The following ADAMTS6 variants were observed in gnomAD, a reference collection of about 807,000 sequenced individuals.
ADAMTS6 encodes ADAM metallopeptidase with thrombospondin type 1 motif 6.
A neutral mutation model predicts 144.3 loss-of-function variants in ADAMTS6; 23 were observed. The ratio of observed to expected loss-of-function variants is 0.16; its 90% CI spans 0.11 to 0.23. The LOEUF is 0.23. Among genes scored for constraint, ADAMTS6 ranks in the 10% least tolerant of loss-of-function variants. ADAMTS6 has a pLI of 1.00. For missense variants in ADAMTS6, 999 were observed against 1,379.6 expected (o/e 0.72, Z 4.37); for synonymous variants, 444 against 457.5 (o/e 0.97, Z 0.38).
chr5:65,238,498 G>T (rs1479693631), intron 15 of ADAMTS6, among the ~76,000 whole-genome samples: 2 of 151,950 alleles, frequency 1.3e-5, no homozygotes, highest in Non-Finnish European at 2.9e-5. Context: ...TACTCAGGAG[G>T]CTGAGGTGGA....
At chr5:65,409,731 C>T (rs1027905112) in intron 7 of ADAMTS6, among the ~76,000 whole-genome samples, 1 of 152,164 alleles carries the variant, frequency 6.6e-6, no homozygotes, top group African/African-American at 2.4e-5. Flanking sequence ...TGATGAACAT[C>T]GATGCAAAAA....
intron 7 of ADAMTS6, among the ~76,000 whole-genome samples, chr5:65,373,753 T>C (rs1406474783): frequency 1.3e-5 from 2 of 152,174 alleles, no homozygotes; most frequent in South Asian, 2.1e-4. Flanking sequence ...CCGTAACTCA[T>C]TTTATGAGGC....
chr5:65,400,202 C>T (rs550453458), intron 7 of ADAMTS6, among the ~76,000 whole-genome samples: 8 of 151,766 alleles, frequency 5.3e-5, no homozygotes, highest in South Asian at 4.1e-4. Flanking sequence ...AATTTTTAAA[C>T]GTACATTTTA....
chr5:65,237,599 G>C (rs1320786540), intron 15 of ADAMTS6, among the ~76,000 whole-genome samples: 1 of 151,870 alleles, frequency 6.6e-6, no homozygotes, highest in Non-Finnish European at 1.5e-5. Flanking sequence ...ATTCTATTTT[G>C]GGAAACCAGA....
chr5:65,256,320 G>C (rs1760658322), intron 14 of ADAMTS6: 1 of 152,198 alleles, frequency 6.6e-6, no homozygotes, highest in Admixed American at 6.5e-5. Flanking sequence ...GACAGTGCTA[G>C]TGTAGATTAG....
chr5:65,268,802 C>T (rs887348200), intron 12 of ADAMTS6, among the ~76,000 whole-genome samples: 4 of 152,206 alleles, frequency 2.6e-5, no homozygotes, highest in Non-Finnish European at 4.4e-5. Context: ...TGTGGAACTG[C>T]GCCCCTGGGC....
At chr5:65,192,546 G>A (rs1755081288) in intron 21 of ADAMTS6, among the ~76,000 whole-genome samples, 1 of 151,716 alleles carries the variant, frequency 6.6e-6, no homozygotes, top group Non-Finnish European at 1.5e-5. Flanking sequence ...AACACGGCAT[G>A]GTAAAAACTT....
chr5:65,408,054 G>A (rs2150177461), intron 7 of ADAMTS6, among the ~76,000 whole-genome samples: 1 of 152,270 alleles, frequency 6.6e-6, no homozygotes, highest in East Asian at 1.9e-4. Context: ...TGCCAAAATT[G>A]TAAAGACCAT....
At chr5:65,225,150 G>A in intron 16 of ADAMTS6, 103 bp from the exon 17 acceptor site, 2 of 1,315,968 alleles carry the variant, frequency 1.5e-6, no homozygotes, top group Middle Eastern at 2.0e-4. Flanking sequence ...TTCCAGTAAA[G>A]AAAAGAAAAA....
intron 22 of ADAMTS6, among the ~76,000 whole-genome samples, chr5:65,182,666 G>C (rs536026868): frequency 3.3e-5 from 5 of 152,100 alleles, no homozygotes; most frequent in Non-Finnish European, 5.9e-5. Context: ...ATAAAGCTCT[G>C]AAAGATACAT....
At chr5:65,324,585 T>C (rs1293743600) in intron 9 of ADAMTS6, among the ~76,000 whole-genome samples, 1 of 151,940 alleles carries the variant, frequency 6.6e-6, no homozygotes, top group African/African-American at 2.4e-5. Flanking sequence ...ACATGTTATA[T>C]ATATAATGGA....
At chr5:65,197,583 A>AT (rs1228011430) in intron 20 of ADAMTS6, among the ~76,000 whole-genome samples, 52 of 152,318 alleles carry the variant, frequency 3.4e-4, no homozygotes, top group African/African-American at 1.1e-3. Flanking sequence ...ACTTTTTGAT[A>AT]TTTTGTAGAA....
At chr5:65,441,540 A>G (rs933861181) in intron 7 of ADAMTS6, among the ~76,000 whole-genome samples, 1 of 152,168 alleles carries the variant, frequency 6.6e-6, no homozygotes, top group African/African-American at 2.4e-5. Context: ...GTAAGGGTAA[A>G]GAATAATTAA....
intron 24 of ADAMTS6, 38 bp from the exon 25 acceptor site, chr5:65,151,983 G>A (rs772819134): frequency 2.6e-6 from 4 of 1,551,972 alleles, no homozygotes; most frequent in Admixed American, 1.7e-5. Flanking sequence ...ACAATTAGAG[G>A]CACATAAACA....
At chr5:65,310,453 G>C (rs1258517386) in intron 9 of ADAMTS6, among the ~76,000 whole-genome samples, 1 of 152,176 alleles carries the variant, frequency 6.6e-6, no homozygotes, top group Non-Finnish European at 1.5e-5. Flanking sequence ...TTGAGCCCAG[G>C]AGGTTGAGGC....
intron 18 of ADAMTS6, 114 bp from the exon 19 acceptor site, chr5:65,215,601 G>T: frequency 1.1e-6 from 1 of 877,138 alleles, no homozygotes; most frequent in Non-Finnish European, 1.7e-6. Context: ...TTAGAGATGT[G>T]ACTCTTGACC....
intron 24 of ADAMTS6, among the ~76,000 whole-genome samples, chr5:65,160,210 T>A (rs916568703): frequency 6.6e-6 from 1 of 152,174 alleles, no homozygotes; most frequent in Non-Finnish European, 1.5e-5. Context: ...AGCCTCGTAC[T>A]ATGAGTCATG....
At position 65,173,097 on chromosome 5, in the gene ADAMTS6, TTAG is replaced by T. The variant is rs372847337; in HGVS notation, c.2911-92_2911-90del. 93 of 1,345,644 alleles carry T rather than the reference TTAG, an allele frequency of 6.9e-5. 1 individual carries two copies. Among genetic ancestry groups the T allele is most frequent in the African/African-American group, 5.0e-4 (34 of 68,608 alleles). 83.4% of individuals were successfully genotyped at this position (1,345,644 alleles called of 1,614,324 possible). A position where few individuals can be genotyped will look rare whatever the true frequency, so the allele number is the denominator to read the frequency against. On this transcript the variant is annotated intron_variant, in intron 22 of 24. Coordinates refer to ENST00000381055, the MANE Select transcript of ADAMTS6 (RefSeq NM_197941.4). ...GTCTTTCTTCATGTAAATGTGTGTTTTAGTATAGAATATACACATATACTAAGT... is the reference window on the plus strand; with the variant it reads ...GTCTTTCTTCATGTAAATGTGTGTTTTATAGAATATACACATATACTAAGT...
At chr5:65,279,125 G>C (rs974240598) in intron 11 of ADAMTS6, among the ~76,000 whole-genome samples, 1 of 151,626 alleles carries the variant, frequency 6.6e-6, no homozygotes, top group Non-Finnish European at 1.5e-5. Flanking sequence ...TGTATTTTTT[G>C]GTAGACACAG....
Sources: gnomAD v4.1 joint callset for allele counts (sites outside exome capture counted in the v4.1 genomes callset) on GRCh38, gnomAD v4.1.1 for gene constraint, MANE v1.5 for transcripts, NCBI Gene and HGNC (gene_info 2026-07-23, HGNC 2026-07-21) for gene names.